Variants in ABCA6 observed in about 807,000 individuals in gnomAD.
ABCA6 encodes the protein ATP binding cassette subfamily A member 6, also known as ATP-binding cassette sub-family A member 6.
ABCA6 carries 164 observed loss-of-function variants against 191.2 expected under a neutral mutation model. That is an observed-to-expected ratio of 0.86 (90% CI 0.76 to 0.98). ABCA6 has a LOEUF of 0.98. Among genes scored for constraint, ABCA6 ranks in the 50% least tolerant of loss-of-function variants. The pLI is 0.00. For missense variants in ABCA6, 1,958 were observed against 1,894.1 expected, an observed-to-expected ratio of 1.03 and a Z score of -0.63; for synonymous variants, 636 against 647.7, an observed-to-expected ratio of 0.98 and a Z score of 0.27.
intron 8 of ABCA6, among the ~76,000 whole-genome samples, chr17:69,128,143 C>A (rs1372980019): frequency 6.6e-6 from 1 of 151,952 alleles, no homozygotes. Flanking sequence ...GAGGAGTGTT[C>A]TGAGGGGTTT....
rs556950565 is a variant in ABCA6 at position 69,132,250 on chromosome 17, T to C, written c.791+1391A>G. Among the ~76,000 whole-genome samples the C allele has an allele frequency of 4.6e-5, 7 of 152,260 alleles. No homozygotes were observed. The South Asian group carries it at 1.2e-3, about 27-fold the overall frequency. On this transcript the variant is annotated intron_variant, in intron 6 of 38. Transcript: ENST00000284425. ...AAGAGTATTTGCTTGATATGGGGCA[T>C]AGATAGAAAAACATCTCCCAGGATT...
intron 28 of ABCA6, 143 bp from the exon 29 acceptor site, chr17:69,087,616 G>T: frequency 1.8e-6 from 2 of 1,141,164 alleles, no homozygotes; most frequent in Non-Finnish European, 2.5e-6. Context: ...TATTGCTTCT[G>T]CTTTTGCCAA....
At chr17:69,087,663 T>A in intron 28 of ABCA6, 190 bp from the exon 29 acceptor site, 1 of 652,862 alleles carries the variant, frequency 1.5e-6, no homozygotes, top group Non-Finnish European at 2.6e-6. Context: ...CTTTTCTTAA[T>A]GTTGTTGCCA....
In ABCA6 at chr17:69,134,707, T is replaced by A; in HGVS notation, c.496A>T (p.Thr166Ser). The change falls in exon 5 of 39, where the codon ACA (threonine) becomes TCA (serine). Residue 166 changes from threonine to serine, a missense_variant. Coordinates refer to ENST00000284425, the MANE Select transcript of ABCA6 (RefSeq NM_080284.3). ...CCTCTATTCCAGTATTTGGTCAATG[T>A]ACATGAAAACTCACCATATCCATCC... ...CWDGYGEFSC[T>S]LTKYWNRGFV... 1 of 1,613,752 alleles carries A rather than the reference T, an allele frequency of 6.2e-7. No homozygotes were observed. The highest frequency in any genetic ancestry group is 8.5e-7 in the Non-Finnish European group (1 of 1,179,892).
intron 25 of ABCA6, chr17:69,095,185 G>A (rs2073018972): frequency 5.0e-6 from 1 of 199,110 alleles, no homozygotes; most frequent in Admixed American, 4.5e-5. Flanking sequence ...ACTGGACAAT[G>A]GCAGTAAGTC....
chr17:69,107,025 G>A (rs1420471363), intron 18 of ABCA6, among the ~76,000 whole-genome samples: 2 of 152,016 alleles, frequency 1.3e-5, no homozygotes, highest in East Asian at 3.9e-4. Context: ...CTACTACTAA[G>A]GTATCAATCA....
chr17:69,132,896 GTA>G (rs780136369), intron 6 of ABCA6, among the ~76,000 whole-genome samples: 26 of 152,144 alleles, frequency 1.7e-4, no homozygotes, highest in African/African-American at 5.8e-4. Flanking sequence ...ATATATGTGT[GTA>G]TGTATGTGTA....
At chr17:69,135,449 C>G (rs1438409534) in intron 4 of ABCA6, 3 of 152,558 alleles carry the variant, frequency 2.0e-5, no homozygotes, top group African/African-American at 7.2e-5. Context: ...TAAAGTGACT[C>G]AGTGGCTATT....
At chr17:69,121,075 T>C (rs1464154855) in intron 10 of ABCA6, among the ~76,000 whole-genome samples, 2 of 152,020 alleles carry the variant, frequency 1.3e-5, no homozygotes, top group Admixed American at 6.6e-5. Context: ...TCAATTTTTA[T>C]ATAAAGCAGA....
At chr17:69,126,032 A>G (rs2073746329) in intron 8 of ABCA6, among the ~76,000 whole-genome samples, 2 of 152,082 alleles carry the variant, frequency 1.3e-5, no homozygotes, top group Non-Finnish European at 2.9e-5. Flanking sequence ...TCATTATTGT[A>G]CTAGAGGTCC....
At chr17:69,080,700 T>C (rs1316118536) in intron 37 of ABCA6, among the ~76,000 whole-genome samples, 1 of 152,092 alleles carries the variant, frequency 6.6e-6, no homozygotes, top group Non-Finnish European at 1.5e-5. Flanking sequence ...GAGGTGGATA[T>C]GTAAGGAAAG....
intron 17 of ABCA6, chr17:69,109,157 C>T (rs1053051259): frequency 6.6e-6 from 1 of 151,898 alleles, no homozygotes; most frequent in Non-Finnish European, 1.5e-5. Flanking sequence ...TGCAAAAGAG[C>T]TTATTTAAGG....
At chr17:69,084,876 G>GTCAGGT (rs2072737671) in intron 32 of ABCA6, 152 bp downstream of exon 32, 1 of 837,740 alleles carries the variant, frequency 1.2e-6, no homozygotes, top group African/African-American at 1.7e-5. Context: ...GATGCAGGAA[G>GTCAGGT]TCAGGTCTTG....
At chr17:69,115,995 T>C (rs139727972) in intron 11 of ABCA6, 52 of 152,324 alleles carry the variant, frequency 3.4e-4, no homozygotes, top group African/African-American at 1.2e-3. Flanking sequence ...TAGCTGAGAC[T>C]ATTGGCCCAC....
At position 69,086,546 on chromosome 17, in the gene ABCA6, G is replaced by T. The variant is rs1217906419; in HGVS notation, c.3937+72C>A. 3 of 785,856 alleles carry T rather than the reference G, an allele frequency of 3.8e-6. No individual in the cohort carries two copies. In the East Asian group the frequency reaches 1.0e-4, roughly 26 times the overall value. 48.7% of individuals were successfully genotyped at this position (785,856 alleles called of 1,614,324 possible). On this transcript the variant is annotated intron_variant, in intron 30 of 38. Transcript: ENST00000284425. ...AATGAATGCTTCAGCGAGTAAAACT[G>T]TGCCTATGACATAGATGTTCGGTAG...
intron 6 of ABCA6, among the ~76,000 whole-genome samples, chr17:69,133,095 T>A (rs1349467621): frequency 6.6e-6 from 1 of 152,234 alleles, no homozygotes; most frequent in African/African-American, 2.4e-5. Context: ...AGCCTTTGTG[T>A]TGTATGTCCT....
At chr17:69,129,560 T>C in intron 7 of ABCA6, 50 bp downstream of exon 7, 1 of 1,487,920 alleles carries the variant, frequency 6.7e-7, no homozygotes, top group South Asian at 1.2e-5. Flanking sequence ...ATTAGCTACA[T>C]ATAGCTAAGA....
In ABCA6 at chr17:69,113,270, C is replaced by T; in HGVS notation, c.1993G>A (p.Val665Met). 2.5e-6 allele frequency: 4 copies of T among 1,605,732 alleles called. No homozygotes were observed. The highest frequency in any genetic ancestry group is 2.5e-6 in the Non-Finnish European group (3 of 1,177,578). The change falls in exon 15 of 39, where the codon GTG becomes ATG. Residue 665 changes from valine to methionine, a missense_variant. Physicochemically the swap from Val to Met is conservative, Grantham distance 21. Coordinates refer to ENST00000284425, the MANE Select transcript of ABCA6 (RefSeq NM_080284.3). ...SLLRERRADH[V>M]ILFSTQSMDE... Reference sequence around the variant, plus strand: ...ATGGACTGGGTACTGAAAAGGATCACATGATCTGCTCTACGCTCTCTCAGG... The same window carrying T: ...ATGGACTGGGTACTGAAAAGGATCATATGATCTGCTCTACGCTCTCTCAGG...
intron 29 of ABCA6, among the ~76,000 whole-genome samples, chr17:69,087,018 A>G (rs193277608): frequency 4.0e-4 from 61 of 152,306 alleles, no homozygotes; most frequent in African/African-American, 1.4e-3. Flanking sequence ...CTTAATCTCT[A>G]TTTAGCATTC....
Sources: gnomAD v4.1 joint callset for allele counts (sites outside exome capture counted in the v4.1 genomes callset) on GRCh38, gnomAD v4.1.1 for gene constraint, MANE v1.5 for transcripts, NCBI Gene and HGNC (gene_info 2026-07-23, HGNC 2026-07-21) for gene names.